MACC1: variants seen among roughly 807,000 people sequenced by gnomAD.
MACC1 encodes metastasis-associated in colon cancer protein 1.
Under a neutral mutation model 70.7 loss-of-function variants are expected in MACC1, and 79 were observed. That is an observed-to-expected ratio of 1.12 (90% CI 0.93 to 1.35). MACC1 has a LOEUF of 1.35. Ranked by LOEUF, MACC1 falls within the 40% of genes most tolerant of loss-of-function variation. The pLI, the probability that MACC1 is intolerant of heterozygous loss-of-function variation, is 0.00. For synonymous variants in MACC1, 361 were observed against 347.2 expected (o/e 1.04, Z -0.44); for missense variants, 1,106 against 978.1 (o/e 1.13, Z -1.74).
chr7:20,186,543 T>C (rs1782591252), intron 1 of MACC1, among the ~76,000 whole-genome samples: 1 of 152,024 alleles, frequency 6.6e-6, no homozygotes, highest in Non-Finnish European at 1.5e-5. Flanking sequence ...AATGGAAAAT[T>C]AGTCTATTAT....
chr7:20,171,464 C>T (rs1186424481), intron 1 of MACC1, among the ~76,000 whole-genome samples: 2 of 151,830 alleles, frequency 1.3e-5, no homozygotes, highest in East Asian at 3.9e-4. Context: ...CCGTGTTAGC[C>T]AGGATGGTCT....
chr7:20,185,352 T>A (rs1782569847), intron 1 of MACC1, among the ~76,000 whole-genome samples: 1 of 152,162 alleles, frequency 6.6e-6, no homozygotes, highest in Non-Finnish European at 1.5e-5. Flanking sequence ...TACAATTACC[T>A]AAACCAAGGA....
Position 20,183,512 on chromosome 7 carries a change from G to A in MACC1, c.-217-12734C>T, listed in dbSNP as rs532211497. Among the ~76,000 whole-genome samples the A allele has an allele frequency of 2.6e-5, 4 of 152,190 alleles. No homozygotes were observed. In the South Asian group the frequency reaches 8.3e-4, roughly 32 times the overall value. ...CTGACTTGCAAAACTGTGAACTAATGGATGGTTATTGCCTTAAATCTCTAA... is the reference window on the plus strand; with the variant it reads ...CTGACTTGCAAAACTGTGAACTAATAGATGGTTATTGCCTTAAATCTCTAA... On this transcript the variant is annotated intron_variant, in intron 1 of 6. Coordinates refer to ENST00000400331, the MANE Select transcript of MACC1 (RefSeq NM_182762.4).
At chr7:20,161,676 C>A in intron 4 of MACC1, 72 bp downstream of exon 4, 1 of 864,404 alleles carries the variant, frequency 1.2e-6, no homozygotes, top group Non-Finnish European at 1.9e-6. Context: ...CAGAGGTAGA[C>A]CTTCAACAAT....
chr7:20,202,392 G>A (rs1040023043), intron 1 of MACC1, among the ~76,000 whole-genome samples: 9 of 152,182 alleles, frequency 5.9e-5, no homozygotes, highest in East Asian at 1.9e-4. Context: ...TTCAGAATAC[G>A]CCTCTTTGTA....
At chr7:20,189,883 C>G (rs541110796) in intron 1 of MACC1, among the ~76,000 whole-genome samples, 2 of 152,050 alleles carry the variant, frequency 1.3e-5, no homozygotes, top group East Asian at 3.9e-4. Context: ...TTTTTCTCAC[C>G]ATTTTGGAAA....
At chr7:20,176,665 G>A (rs1782397921) in intron 1 of MACC1, among the ~76,000 whole-genome samples, 2 of 152,024 alleles carry the variant, frequency 1.3e-5, no homozygotes, top group African/African-American at 4.8e-5. Context: ...CCCCAAACTG[G>A]AAACAACCAA....
intron 6 of MACC1, among the ~76,000 whole-genome samples, chr7:20,150,113 A>C (rs12670665): frequency 0.014 from 2,135 of 152,330 alleles, 47 homozygotes; most frequent in Admixed American, 0.04. Flanking sequence ...ACAACTATTA[A>C]CATTGTCATC....
intron 1 of MACC1, among the ~76,000 whole-genome samples, chr7:20,179,937 G>A (rs1782474583): frequency 6.6e-6 from 1 of 152,170 alleles, no homozygotes; most frequent in Non-Finnish European, 1.5e-5. Context: ...TCTATGAATT[G>A]TCAACTGTGC....
At position 20,136,446 on chromosome 7, in the gene MACC1, T is replaced by C. The variant is rs967764990; in HGVS notation, c.*4500A>G. ...AGGGTTAAAACTTTCTAGATGTACA[T>C]AAATAGAAAATCAATGTAAAATATA... On this transcript the variant is annotated 3_prime_UTR_variant, in exon 7 of 7. Transcript: ENST00000400331. 1.3e-5 allele frequency: 2 copies of C among 152,174 alleles called. No individual in the cohort carries two copies. The highest frequency in any genetic ancestry group is 2.9e-5 in the Non-Finnish European group (2 of 68,028). 9.4% of individuals were successfully genotyped at this position (152,174 alleles called of 1,614,324 possible).
In MACC1 at chr7:20,158,250, C is replaced by T; in HGVS notation, c.2111G>A (p.Cys704Tyr). ...CTTCCTTGTATTTCTCTCTGTGTGG[C>T]AATCTTCCTTTAACTTCTTTATAAC... is the stretch of plus-strand genomic sequence containing the variant. ...SYVIKKLKED[C>Y]HTERNTRKFL... Residue 704 changes from cysteine to tyrosine, a missense_variant, in exon 5 of 7, where the codon TGC becomes TAC. Coordinates refer to ENST00000400331, the MANE Select transcript of MACC1 (RefSeq NM_182762.4). 1 of 1,602,858 alleles carries T rather than the reference C, an allele frequency of 6.2e-7. No homozygotes were observed. Among genetic ancestry groups the T allele is most frequent in the Non-Finnish European group, 8.5e-7 (1 of 1,176,904 alleles).
chr7:20,193,177 T>C (rs1229661752), intron 1 of MACC1, among the ~76,000 whole-genome samples: 2 of 152,176 alleles, frequency 1.3e-5, no homozygotes, highest in Non-Finnish European at 2.9e-5. Flanking sequence ...GCTATGTTTA[T>C]AAAACTCTTT....
intron 1 of MACC1, among the ~76,000 whole-genome samples, chr7:20,181,080 CTGTGTGTGTG>C (rs59476252): frequency 6.7e-6 from 1 of 149,082 alleles, no homozygotes; most frequent in Admixed American, 6.7e-5. Context: ...TGTATGTGCT[CTGTGTGTGTG>C]TGTGTGTGTG....
chr7:20,211,451 T>A (rs1782995010), intron 1 of MACC1, among the ~76,000 whole-genome samples: 1 of 152,144 alleles, frequency 6.6e-6, no homozygotes, highest in South Asian at 2.1e-4. Flanking sequence ...GAAAAGTCAG[T>A]CAATCTCTAA....
In MACC1 at chr7:20,141,140, AG is replaced by A. The variant is rs1275228824; in HGVS notation, c.2364del (p.Tyr789MetfsTer29). The A allele has an allele frequency of 1.2e-6, 2 of 1,602,908 alleles. No individual in the cohort carries two copies. The highest frequency in any genetic ancestry group is 1.7e-5 in the Admixed American group (1 of 58,190). On this transcript the variant is annotated frameshift_variant, in exon 7 of 7. Coordinates refer to ENST00000400331, the MANE Select transcript of MACC1 (RefSeq NM_182762.4). LOFTEE classifies it high-confidence loss of function. Reference protein sequence around the residue: ...DVAVEMMWKPAYDFLYTWSAH... With the variant: ...DVAVEMMWKPXYDFLYTWSAH... ...GCACTCCAGGTATACAGAAAATCAT[AG>A]GCAGGTTTCCACATCATCTATAAAG...
chr7:20,142,823 C>T (rs761805353), intron 6 of MACC1, among the ~76,000 whole-genome samples: 2 of 152,174 alleles, frequency 1.3e-5, no homozygotes, highest in Non-Finnish European at 2.9e-5. Context: ...TTAAAAGTCC[C>T]TGATGCTCAA....
Position 20,158,236 on chromosome 7 carries a change from TTC to T in MACC1, c.2123_2124del (p.Arg708LysfsTer8). The T allele has an allele frequency of 1.3e-6, 2 of 1,593,490 alleles. No homozygotes were observed. Among genetic ancestry groups the T allele is most frequent in the Middle Eastern group, 3.7e-4 (2 of 5,476 alleles). On this transcript the variant is annotated frameshift_variant, in exon 5 of 7. Coordinates refer to ENST00000400331, the MANE Select transcript of MACC1 (RefSeq NM_182762.4). LOFTEE classifies it high-confidence loss of function. ...AGTTCATACAGAAACTTCCTTGTAT[TTC>T]TCTCTGTGTGGCAATCTTCCTTTAA... ...KKLKEDCHTE[R>X]NTRKFLYELI... is the part of the protein sequence containing the mutation.
chr7:20,163,699 G>A (rs1346112761), intron 3 of MACC1, among the ~76,000 whole-genome samples: 1 of 152,078 alleles, frequency 6.6e-6, no homozygotes, highest in African/African-American at 2.4e-5. Flanking sequence ...TGACAACATT[G>A]AAAAACAGGT....
At position 20,141,151 on chromosome 7, in the gene MACC1, C is replaced by G. The variant is rs201028666; in HGVS notation, c.2354G>C (p.Trp785Ser). Residue 785 changes from tryptophan (W) to serine (S), a missense_variant, in exon 7 of 7, where the codon TGG (tryptophan) becomes TCG (serine). Transcript: ENST00000400331. ...NTGDVAVEMMWKPAYDFLYTW... is the reference protein window; with the variant it reads ...NTGDVAVEMMSKPAYDFLYTW... The stretch of plus-strand genomic sequence containing the variant: ...ATACAGAAAATCATAGGCAGGTTTC[C>G]ACATCATCTATAAAGAAAAAAAATA... 2 of 1,588,746 alleles carry G rather than the reference C, an allele frequency of 1.3e-6. No homozygotes were observed. Among genetic ancestry groups the G allele is most frequent in the Non-Finnish European group, 1.7e-6 (2 of 1,169,964 alleles).
Sources: gnomAD v4.1 joint callset for allele counts (sites outside exome capture counted in the v4.1 genomes callset) on GRCh38, gnomAD v4.1.1 for gene constraint, MANE v1.5 for transcripts, NCBI Gene and HGNC (gene_info 2026-07-23, HGNC 2026-07-21) for gene names.